Variants in THADA observed in about 807,000 individuals in gnomAD.
The protein encoded by THADA is tRNA (32-2'-O)-methyltransferase regulator THADA.
A neutral mutation model predicts 219.8 loss-of-function variants in THADA; 213 were observed. That is an observed-to-expected ratio of 0.97 (90% CI 0.87 to 1.09). The LOEUF is 1.09. Among genes scored for constraint, THADA ranks in the 50% least tolerant of loss-of-function variants. The pLI is 0.00. For synonymous variants in THADA, 1,018 were observed against 828.9 expected (o/e 1.23, Z -3.92); for missense variants, 2,956 against 2,311.3 (o/e 1.28, Z -5.72).
At chr2:43,288,954 C>T (rs879603588) in intron 34 of THADA, among the ~76,000 whole-genome samples, 1 of 152,218 alleles carries the variant, frequency 6.6e-6, no homozygotes, top group African/African-American at 2.4e-5. Flanking sequence ...ACTTCCCTAT[C>T]CTCCCATCTC....
intron 26 of THADA, among the ~76,000 whole-genome samples, chr2:43,467,271 GA>G (rs963735319): frequency 8.2e-5 from 12 of 145,954 alleles, no homozygotes; most frequent in Admixed American, 4.8e-4. Context: ...TATTTAACAA[GA>G]AAAAAAACCT....
Position 43,246,495 on chromosome 2 carries a change from A to AAAAC in THADA, c.5297-13617_5297-13614dup, listed in dbSNP as rs527889913. On this transcript the variant is annotated intron_variant, in intron 36 of 37. Transcript: ENST00000405975. The stretch of plus-strand genomic sequence containing the variant: ...GGGTGACAGAGCAGGACTCGTCTCA[A>AAAAC]AAACAAACAAACAAACAAACAAACA... 7.2e-3 allele frequency among the ~76,000 whole-genome samples: 1,093 copies of AAAAC among 151,778 alleles called. 9 individuals carry two copies. The highest frequency in any genetic ancestry group is 0.014 in the Middle Eastern group (4 of 290).
chr2:43,549,308 T>C lies in THADA; in HGVS notation c.3008A>G (p.Tyr1003Cys). 1 of 1,601,416 alleles carries C rather than the reference T, an allele frequency of 6.2e-7. No homozygotes were observed. Among genetic ancestry groups the C allele is most frequent in the Non-Finnish European group, 8.5e-7 (1 of 1,174,104 alleles). The change falls in exon 20 of 38, where the codon TAT becomes TGT. Residue 1003 changes from tyrosine to cysteine, a missense_variant. Coordinates refer to ENST00000405975, the MANE Select transcript of THADA (RefSeq NM_022065.5). ...TTTCAATATTTTGGCTTGGTTAAAA[T>C]AATCATTAGTATCTCGAGGCTGAAT... ...NEIQPRDTNDYFNQAKILKEH... is the reference protein window; with the variant it reads ...NEIQPRDTNDCFNQAKILKEH...
intron 26 of THADA, among the ~76,000 whole-genome samples, chr2:43,432,449 G>A (rs1198778898): frequency 6.6e-6 from 1 of 151,038 alleles, no homozygotes; most frequent in African/African-American, 2.4e-5. Flanking sequence ...TGACAGGCAT[G>A]GGTTCTTTAC....
chr2:43,279,705 A>G, intron 36 of THADA, 60 bp downstream of exon 36: 2 of 1,500,970 alleles, frequency 1.3e-6, no homozygotes, highest in Non-Finnish European at 1.8e-6. Context: ...CATTATAGAA[A>G]AGTGTTCCAA....
At chr2:43,438,995 T>C (rs1188895756) in intron 26 of THADA, among the ~76,000 whole-genome samples, 1 of 152,220 alleles carries the variant, frequency 6.6e-6, no homozygotes, top group Admixed American at 6.5e-5. Flanking sequence ...GTGAGATAAA[T>C]TGCCTATGTG....
At chr2:43,451,610 T>C (rs1462785633) in intron 26 of THADA, among the ~76,000 whole-genome samples, 1 of 152,220 alleles carries the variant, frequency 6.6e-6, no homozygotes, top group East Asian at 1.9e-4. Context: ...TGCTATTTTT[T>C]TTAGAACTTC....
intron 29 of THADA, among the ~76,000 whole-genome samples, chr2:43,388,944 C>G (rs1010484520): frequency 1.3e-5 from 2 of 152,144 alleles, no homozygotes; most frequent in African/African-American, 4.8e-5. Context: ...ACCCCCTCAC[C>G]CCCCGCCCGT....
At chr2:43,415,692 C>T (rs1343922180) in intron 28 of THADA, among the ~76,000 whole-genome samples, 1 of 152,088 alleles carries the variant, frequency 6.6e-6, no homozygotes, top group African/African-American at 2.4e-5. Flanking sequence ...CACTAGTTCT[C>T]TTCTGTCAGG....
intron 22 of THADA, among the ~76,000 whole-genome samples, chr2:43,509,885 T>C (rs1404950706): frequency 6.6e-6 from 1 of 152,212 alleles, no homozygotes; most frequent in Non-Finnish European, 1.5e-5. Context: ...GATTTCCTTT[T>C]AGCATATCTT....
At chr2:43,370,795 T>C (rs936234773) in intron 29 of THADA, among the ~76,000 whole-genome samples, 1 of 152,240 alleles carries the variant, frequency 6.6e-6, no homozygotes, top group Non-Finnish European at 1.5e-5. Context: ...GTCTGAATAA[T>C]GAGATTCATC....
intron 34 of THADA, among the ~76,000 whole-genome samples, chr2:43,287,653 T>C (rs1201972434): frequency 6.6e-6 from 1 of 152,166 alleles, no homozygotes; most frequent in African/African-American, 2.4e-5. Context: ...ATACATTTGG[T>C]CTGGTAAAGA....
At chr2:43,340,524 C>A (rs1265279298) in intron 30 of THADA, among the ~76,000 whole-genome samples, 1 of 152,184 alleles carries the variant, frequency 6.6e-6, no homozygotes, top group Non-Finnish European at 1.5e-5. Context: ...TACATATCCA[C>A]TAGCATTTTT....
chr2:43,268,191 T>C (rs1197513894), intron 36 of THADA, among the ~76,000 whole-genome samples: 1 of 152,222 alleles, frequency 6.6e-6, no homozygotes, highest in Admixed American at 6.5e-5. Context: ...CCTGGCCATT[T>C]TGACATTCAG....
In THADA at chr2:43,428,159, G is replaced by C; in HGVS notation, c.3999C>G (p.Ser1333=). The C allele has an allele frequency of 6.2e-7, 1 of 1,610,780 alleles. No individual in the cohort carries two copies. Among genetic ancestry groups the C allele is most frequent in the Non-Finnish European group, 8.5e-7 (1 of 1,178,188 alleles). The change falls in exon 28 of 38, where the codon TCC becomes TCG. Residue 1333 remains serine (S), a synonymous_variant. Coordinates refer to ENST00000405975, the MANE Select transcript of THADA (RefSeq NM_022065.5). ...LLLVLERLYA[S]PMDGTSSALS... Reference sequence around the variant, plus strand: ...GAGCAGAAGAAGTACCATCCATCGGGGAAGCGTAGAGTCTCTCCAACACCA... The same window carrying C: ...GAGCAGAAGAAGTACCATCCATCGGCGAAGCGTAGAGTCTCTCCAACACCA...
intron 26 of THADA, among the ~76,000 whole-genome samples, chr2:43,445,608 C>T (rs1681424088): frequency 6.6e-6 from 1 of 152,250 alleles, no homozygotes; most frequent in South Asian, 2.1e-4. Context: ...CTGATCAGGG[C>T]TCCAACCAGT....
At chr2:43,390,299 T>C (rs1302427192) in intron 29 of THADA, among the ~76,000 whole-genome samples, 1 of 152,186 alleles carries the variant, frequency 6.6e-6, no homozygotes, top group Non-Finnish European at 1.5e-5. Flanking sequence ...AGTAATGGCA[T>C]CCTTCCTGGC....
At chr2:43,483,836 T>C (rs936584207) in intron 26 of THADA, among the ~76,000 whole-genome samples, 2 of 151,862 alleles carry the variant, frequency 1.3e-5, no homozygotes, top group South Asian at 2.1e-4. Flanking sequence ...GTTTTAAACA[T>C]TAATTTTACT....
intron 15 of THADA, among the ~76,000 whole-genome samples, chr2:43,561,471 T>G (rs556520153): frequency 2.1e-4 from 32 of 152,102 alleles, no homozygotes; most frequent in Non-Finnish European, 3.8e-4. Flanking sequence ...GGATGAAAAC[T>G]CAAGAACTGT....
Sources: gnomAD v4.1 joint callset for allele counts (sites outside exome capture counted in the v4.1 genomes callset) on GRCh38, gnomAD v4.1.1 for gene constraint, MANE v1.5 for transcripts, NCBI Gene and HGNC (gene_info 2026-07-23, HGNC 2026-07-21) for gene names.